The following AGBL4 variants were observed in gnomAD, a reference collection of about 807,000 sequenced individuals.
AGBL4 encodes the protein cytosolic carboxypeptidase 6.
Under a neutral mutation model 66.4 loss-of-function variants are expected in AGBL4, and 58 were observed. The ratio of observed to expected loss-of-function variants is 0.87; its 90% CI spans 0.71 to 1.09. The LOEUF (loss-of-function observed/expected upper bound fraction) is 1.09. Among genes scored for constraint, AGBL4 ranks in the 50% least tolerant of loss-of-function variants. AGBL4 has a pLI of 0.00. For missense variants in AGBL4, 579 were observed against 631.0 expected, an observed-to-expected ratio of 0.92 and a Z score of 0.88; for synonymous variants, 234 against 222.9, an observed-to-expected ratio of 1.05 and a Z score of -0.44.
intron 3 of AGBL4, among the ~76,000 whole-genome samples, chr1:49,480,454 C>T (rs947836593): frequency 6.6e-6 from 1 of 150,888 alleles, no homozygotes; most frequent in African/African-American, 2.4e-5. Context: ...AGTATCTGTT[C>T]ATGTCCTTTG....
At chr1:48,953,923 T>C (rs1657212771) in intron 5 of AGBL4, among the ~76,000 whole-genome samples, 1 of 152,188 alleles carries the variant, frequency 6.6e-6, no homozygotes, top group African/African-American at 2.4e-5. Flanking sequence ...GCTAAGTTCA[T>C]CTATCACCAA....
At chr1:49,656,463 T>G (rs1264066874) in intron 3 of AGBL4, among the ~76,000 whole-genome samples, 1 of 151,992 alleles carries the variant, frequency 6.6e-6, no homozygotes, top group Non-Finnish European at 1.5e-5. Flanking sequence ...CTGAAACTAT[T>G]CCAATCAATA....
In AGBL4 at chr1:49,849,476, CAT is replaced by C. The variant is rs1349122980; in HGVS notation, c.157+1918_157+1919del. ...AGCTCACATCTTTAAACAAAGTATA[CAT>C]ACACACACACACACACACACACACA... On this transcript the variant is annotated intron_variant, in intron 2 of 13. Transcript: ENST00000371839. Among the ~76,000 whole-genome samples, 7 of 139,118 alleles carry C rather than the reference CAT, an allele frequency of 5.0e-5. No individual in the cohort carries two copies. In the South Asian group the frequency reaches 8.9e-4, roughly 18 times the overall value. 91.3% of individuals were successfully genotyped at this position (139,118 alleles called of 152,430 possible).
intron 4 of AGBL4, among the ~76,000 whole-genome samples, chr1:49,193,332 A>T (rs1647159104): frequency 6.6e-6 from 1 of 151,878 alleles, no homozygotes; most frequent in South Asian, 2.1e-4. Flanking sequence ...TGATTTAGAC[A>T]ATGCTATAAA....
intron 3 of AGBL4, chr1:49,266,207 T>C (rs1351723495): frequency 1.3e-5 from 2 of 151,994 alleles, no homozygotes; most frequent in Non-Finnish European, 2.9e-5. Context: ...AGAAGATTCC[T>C]CTCCCTCACT....
chr1:49,441,255 G>A (rs760412962), intron 3 of AGBL4, among the ~76,000 whole-genome samples: 4 of 152,138 alleles, frequency 2.6e-5, no homozygotes, highest in Non-Finnish European at 5.9e-5. Flanking sequence ...GAACAGGCAT[G>A]GGAATGGATA....
At chr1:49,975,696 C>A (rs1160631810) in intron 1 of AGBL4, among the ~76,000 whole-genome samples, 1 of 152,122 alleles carries the variant, frequency 6.6e-6, no homozygotes, top group East Asian at 1.9e-4. Flanking sequence ...ATATTTTAAG[C>A]AAGATACTTA....
At chr1:48,543,125 C>T (rs1402226615) in intron 11 of AGBL4, among the ~76,000 whole-genome samples, 1 of 152,174 alleles carries the variant, frequency 6.6e-6, no homozygotes, top group Non-Finnish European at 1.5e-5. Flanking sequence ...CTGCACCATT[C>T]CATATTCACT....
At chr1:49,096,062 T>C (rs1031435317) in intron 4 of AGBL4, among the ~76,000 whole-genome samples, 1 of 152,036 alleles carries the variant, frequency 6.6e-6, no homozygotes, top group Non-Finnish European at 1.5e-5. Flanking sequence ...AGAAGACATT[T>C]ATGCAGCCAA....
In AGBL4 at chr1:49,903,886, G is replaced by C. The variant is rs1157263332; in HGVS notation, c.35-52368C>G. Among the ~76,000 whole-genome samples, 6 of 152,004 alleles carry C rather than the reference G, an allele frequency of 3.9e-5. No individual in the cohort carries two copies. The East Asian group carries it at 1.2e-3, about 29-fold the overall frequency. On this transcript the variant is annotated intron_variant, in intron 1 of 13. Transcript: ENST00000371839. ...CTCAAGCACTGAGAACACTCCAGAAGGTAAAGAAATAAGAGGGAAACAATG... is the reference window on the plus strand; with the variant it reads ...CTCAAGCACTGAGAACACTCCAGAACGTAAAGAAATAAGAGGGAAACAATG...
At chr1:49,456,644 T>C (rs1440888264) in intron 3 of AGBL4, among the ~76,000 whole-genome samples, 2 of 151,534 alleles carry the variant, frequency 1.3e-5, no homozygotes, top group African/African-American at 4.8e-5. Flanking sequence ...TTATTGAGTG[T>C]CAATTTCCGA....
At chr1:49,991,766 T>C (rs1347867932) in intron 1 of AGBL4, among the ~76,000 whole-genome samples, 2 of 152,328 alleles carry the variant, frequency 1.3e-5, no homozygotes. Context: ...ACTTAGTTTT[T>C]TTTAATTCCT....
At chr1:48,870,376 A>C (rs1029577307) in intron 5 of AGBL4, among the ~76,000 whole-genome samples, 1 of 152,076 alleles carries the variant, frequency 6.6e-6, no homozygotes, top group African/African-American at 2.4e-5. Flanking sequence ...ACTTGAGGAC[A>C]GGGCTATGTC....
intron 6 of AGBL4, among the ~76,000 whole-genome samples, chr1:48,838,299 G>A (rs1646728309): frequency 6.6e-6 from 1 of 152,168 alleles, no homozygotes; most frequent in African/African-American, 2.4e-5. Context: ...ATACTATAAA[G>A]CTGTATTAAC....
intron 6 of AGBL4, among the ~76,000 whole-genome samples, chr1:48,694,757 C>T (rs1646688631): frequency 6.6e-6 from 1 of 152,162 alleles, no homozygotes; most frequent in Non-Finnish European, 1.5e-5. Flanking sequence ...GATAAGACAC[C>T]ATCTAGCAAG....
chr1:49,230,264 T>G (rs1650212511), intron 4 of AGBL4, among the ~76,000 whole-genome samples: 1 of 152,202 alleles, frequency 6.6e-6, no homozygotes, highest in South Asian at 2.1e-4. Flanking sequence ...TAGGGTCAGG[T>G]GATCATTAAG....
intron 6 of AGBL4, among the ~76,000 whole-genome samples, chr1:48,692,611 A>T (rs139487028): frequency 0.016 from 2,484 of 152,314 alleles, 31 homozygotes; most frequent in South Asian, 0.061. Flanking sequence ...GATTCTATCC[A>T]TGTGAGGACT....
At chr1:49,334,821 T>A (rs547365830) in intron 3 of AGBL4, among the ~76,000 whole-genome samples, 7 of 152,120 alleles carry the variant, frequency 4.6e-5, no homozygotes, top group East Asian at 1.9e-4. Context: ...CAAAGAGGGG[T>A]CCAGGGGAAG....
intron 1 of AGBL4, among the ~76,000 whole-genome samples, chr1:49,934,875 G>C (rs934696143): frequency 6.6e-6 from 1 of 151,482 alleles, no homozygotes; most frequent in Non-Finnish European, 1.5e-5. Context: ...AATAGGAACA[G>C]CTCCGATCTA....
Sources: gnomAD v4.1 joint callset for allele counts (sites outside exome capture counted in the v4.1 genomes callset) on GRCh38, gnomAD v4.1.1 for gene constraint, MANE v1.5 for transcripts, NCBI Gene and HGNC (gene_info 2026-07-23, HGNC 2026-07-21) for gene names.